Variants in PDE7B observed in about 807,000 individuals in gnomAD.
PDE7B encodes the protein 3',5'-cyclic-AMP phosphodiesterase 7B.
A neutral mutation model predicts 56.2 loss-of-function variants in PDE7B; 29 were observed. That is an observed-to-expected ratio of 0.52 (90% CI 0.38 to 0.70). The LOEUF is 0.70. PDE7B is among the 30% of genes least tolerant of loss of function. The pLI, the probability that PDE7B is intolerant of heterozygous loss-of-function variation, is 0.00. For synonymous variants in PDE7B, 197 were observed against 196.9 expected, an observed-to-expected ratio of 1.00 and a Z score of 0.00; for missense variants, 490 against 565.0, an observed-to-expected ratio of 0.87 and a Z score of 1.35.
intron 2 of PDE7B, among the ~76,000 whole-genome samples, chr6:135,975,532 A>G (rs115656489): frequency 0.03 from 4,631 of 152,260 alleles, 209 homozygotes; most frequent in African/African-American, 0.099. Flanking sequence ...ACTCAAGATC[A>G]TCATAGACAA....
intron 2 of PDE7B, among the ~76,000 whole-genome samples, chr6:135,985,153 G>A (rs778966825): frequency 4.3e-4 from 66 of 152,218 alleles, no homozygotes; most frequent in Non-Finnish European, 5.4e-4. Context: ...GACTATTCTC[G>A]TAAGAAAAGG....
intron 1 of PDE7B, among the ~76,000 whole-genome samples, chr6:135,934,739 A>ATATATATATATATATTTTTTAAAAAT (rs1269284339): frequency 1.9e-5 from 2 of 105,676 alleles, no homozygotes; most frequent in Non-Finnish European, 3.6e-5. Flanking sequence ...CAAAAAAAAA[A>ATATATATATATATATTTTTTAAAAAT]ATATATATAT....
chr6:135,921,646 T>C lies in PDE7B; in HGVS notation c.22-25818T>C, dbSNP rs530160428. On this transcript the variant is annotated intron_variant, in intron 1 of 12. Coordinates refer to ENST00000308191, the MANE Select transcript of PDE7B (RefSeq NM_018945.4). ...TTCCATTTTCTTTAAGAAACAAGGCTGATTTGCCAATGAAAATAAATAAAT... is the reference window on the plus strand; with the variant it reads ...TTCCATTTTCTTTAAGAAACAAGGCCGATTTGCCAATGAAAATAAATAAAT... Among the ~76,000 whole-genome samples, 4 of 152,266 alleles carry C rather than the reference T, an allele frequency of 2.6e-5. No individual in the cohort carries two copies. In the East Asian group the frequency reaches 7.7e-4, roughly 29 times the overall value.
At chr6:135,875,268 G>A (rs1235685899) in intron 1 of PDE7B, among the ~76,000 whole-genome samples, 3 of 150,508 alleles carry the variant, frequency 2.0e-5, no homozygotes, top group Non-Finnish European at 4.4e-5. Context: ...TCCTTTTTTT[G>A]TTACTTCTTT....
chr6:136,158,260 G>C (rs1012454044), intron 8 of PDE7B, among the ~76,000 whole-genome samples: 1 of 152,070 alleles, frequency 6.6e-6, no homozygotes, highest in Admixed American at 6.5e-5. Flanking sequence ...ATTTTCCTAG[G>C]GAGAGGGTCT....
intron 2 of PDE7B, among the ~76,000 whole-genome samples, chr6:136,091,444 A>T (rs577869433): frequency 1.3e-5 from 2 of 152,350 alleles, no homozygotes; most frequent in Admixed American, 1.3e-4. Context: ...TCTTTTTCTA[A>T]GTCGCTGCAT....
At chr6:135,969,659 T>C (rs1380545320) in intron 2 of PDE7B, among the ~76,000 whole-genome samples, 3 of 152,128 alleles carry the variant, frequency 2.0e-5, no homozygotes, top group Admixed American at 6.5e-5. Context: ...ATCCCAAAAC[T>C]ATAAAAACCC....
rs147697617 is a variant in PDE7B, at chr6:136,016,645, C to T, written c.82+69121C>T. 6.6e-5 allele frequency among the ~76,000 whole-genome samples: 10 copies of T among 152,240 alleles called. No individual in the cohort carries two copies. The East Asian group carries it at 1.7e-3, about 26-fold the overall frequency. Reference sequence around the variant, plus strand: ...CCAGAATTCCAGCTGAGATCTGCTCCGGAGCTCCTGGTCTCACTGCTGCAG... The same window carrying T: ...CCAGAATTCCAGCTGAGATCTGCTCTGGAGCTCCTGGTCTCACTGCTGCAG... On this transcript the variant is annotated intron_variant, in intron 2 of 12. Transcript: ENST00000308191.
intron 2 of PDE7B, among the ~76,000 whole-genome samples, chr6:136,057,983 T>C (rs1411583117): frequency 6.6e-6 from 1 of 152,150 alleles, no homozygotes; most frequent in Non-Finnish European, 1.5e-5. Context: ...GTAATCCTTC[T>C]GCCTCGACCT....
chr6:135,944,340 G>A (rs1283341988), intron 1 of PDE7B, among the ~76,000 whole-genome samples: 1 of 152,068 alleles, frequency 6.6e-6, no homozygotes, highest in Non-Finnish European at 1.5e-5. Context: ...CAGCAAGCAG[G>A]AGCCTGGCAG....
intron 9 of PDE7B, among the ~76,000 whole-genome samples, chr6:136,175,427 CA>C (rs1778961900): frequency 6.6e-6 from 1 of 152,112 alleles, no homozygotes; most frequent in African/African-American, 2.4e-5. Context: ...GGGCCAAAAA[CA>C]GGAGACTTTT....
chr6:135,948,632 AT>A (rs973270304), intron 2 of PDE7B, among the ~76,000 whole-genome samples: 2 of 152,040 alleles, frequency 1.3e-5, no homozygotes, highest in Admixed American at 6.6e-5. Flanking sequence ...TTCTTTACTG[AT>A]TTTTAAATCT....
intron 11 of PDE7B, among the ~76,000 whole-genome samples, chr6:136,182,612 C>G (rs1245080090): frequency 1.3e-5 from 2 of 152,226 alleles, no homozygotes; most frequent in Non-Finnish European, 2.9e-5. Context: ...TCAGCATCGA[C>G]TGCAGTGTAA....
chr6:136,062,291 T>C (rs993700881), intron 2 of PDE7B, among the ~76,000 whole-genome samples: 1 of 152,206 alleles, frequency 6.6e-6, no homozygotes, highest in African/African-American at 2.4e-5. Context: ...TATGTATACA[T>C]TATGAAATAA....
At chr6:135,979,471 C>T (rs1220798217) in intron 2 of PDE7B, among the ~76,000 whole-genome samples, 1 of 151,510 alleles carries the variant, frequency 6.6e-6, no homozygotes, top group Non-Finnish European at 1.5e-5. Flanking sequence ...CCTCCTTGTA[C>T]CTCTGGTAGA....
chr6:136,101,396 G>T (rs1777559488), intron 2 of PDE7B, among the ~76,000 whole-genome samples: 1 of 152,118 alleles, frequency 6.6e-6, no homozygotes, highest in Admixed American at 6.5e-5. Flanking sequence ...TCTGGTCCTG[G>T]ACTTTTTTTG....
At chr6:136,170,589 C>G (rs1444100012) in intron 8 of PDE7B, among the ~76,000 whole-genome samples, 1 of 152,102 alleles carries the variant, frequency 6.6e-6, no homozygotes. Context: ...TGTCTTAGTC[C>G]ATTTTCTGTT....
At chr6:135,983,428 TAAAG>T (rs1025298950) in intron 2 of PDE7B, among the ~76,000 whole-genome samples, 1 of 152,156 alleles carries the variant, frequency 6.6e-6, no homozygotes, top group Non-Finnish European at 1.5e-5. Context: ...AGTATTTTCA[TAAAG>T]AAAACTACCT....
chr6:136,088,509 AAGAC>A (rs1777329596), intron 2 of PDE7B, among the ~76,000 whole-genome samples: 2 of 152,232 alleles, frequency 1.3e-5, no homozygotes, highest in South Asian at 4.1e-4. Context: ...CAAACTTTTG[AAGAC>A]AGCATTACCA....
Sources: allele counts gnomAD v4.1 joint callset (sites outside exome capture counted in the v4.1 genomes callset), GRCh38; gene constraint gnomAD v4.1.1; transcripts MANE v1.5; gene names NCBI Gene and HGNC (gene_info 2026-07-23, HGNC 2026-07-21).